Variants in LDLRAD3 observed in about 807,000 individuals in gnomAD.
LDLRAD3 encodes the protein low-density lipoprotein receptor class A domain-containing protein 3.
Under a neutral mutation model 29.4 loss-of-function variants are expected in LDLRAD3, and 20 were observed. The ratio of observed to expected loss-of-function variants is 0.68; its 90% confidence interval spans 0.48 to 0.99. The LOEUF (loss-of-function observed/expected upper bound fraction) is 0.99, where lower values mean the gene tolerates loss of function less well. Among genes scored for constraint, LDLRAD3 ranks in the 50% least tolerant of loss-of-function variants. LDLRAD3 has a pLI of 0.00. For missense variants in LDLRAD3, 420 were observed against 454.3 expected, an observed-to-expected ratio of 0.92 and a Z score of 0.69; for synonymous variants, 157 against 192.7, an observed-to-expected ratio of 0.81 and a Z score of 1.53.
intron 1 of LDLRAD3, among the ~76,000 whole-genome samples, chr11:36,001,663 T>A (rs1221470993): frequency 6.6e-6 from 1 of 152,158 alleles, no homozygotes; most frequent in Non-Finnish European, 1.5e-5. Context: ...GTTCTTTGTT[T>A]TAGAAAATAC....
In LDLRAD3 at chr11:36,015,523, G is replaced by A. The variant is rs1217372809; in HGVS notation, c.47-20580G>A. 2.6e-5 allele frequency among the ~76,000 whole-genome samples: 4 copies of A among 151,926 alleles called. No homozygotes were observed. In the East Asian group the frequency reaches 7.7e-4, roughly 29 times the overall value. ...TTTATAGAAACTTAACGCACATACCGAAGAGCGCGCAGATGTTAACTGGGG... is the reference window on the plus strand; with the variant it reads ...TTTATAGAAACTTAACGCACATACCAAAGAGCGCGCAGATGTTAACTGGGG... On this transcript the variant is annotated intron_variant, in intron 1 of 5. Transcript: ENST00000315571.
intron 2 of LDLRAD3, among the ~76,000 whole-genome samples, chr11:36,053,520 T>G (rs1852559358): frequency 6.6e-6 from 1 of 152,098 alleles, no homozygotes; most frequent in Non-Finnish European, 1.5e-5. Flanking sequence ...GCTGGGTAAG[T>G]CTCGCCACCT....
At chr11:36,159,992 C>T (rs1285002304) in intron 4 of LDLRAD3, among the ~76,000 whole-genome samples, 2 of 152,156 alleles carry the variant, frequency 1.3e-5, no homozygotes, top group African/African-American at 2.4e-5. Context: ...AACACTCAGT[C>T]CCACGTTGCT....
chr11:35,979,108 T>C (rs1851509022), intron 1 of LDLRAD3, among the ~76,000 whole-genome samples: 1 of 152,132 alleles, frequency 6.6e-6, no homozygotes, highest in Non-Finnish European at 1.5e-5. Context: ...TTCATAAACA[T>C]GGTGAGGAAA....
At chr11:36,128,880 A>G (rs1853883676) in intron 4 of LDLRAD3, among the ~76,000 whole-genome samples, 1 of 151,678 alleles carries the variant, frequency 6.6e-6, no homozygotes, top group Non-Finnish European at 1.5e-5. Flanking sequence ...AGAAAAGAAA[A>G]ATCACCCTAG....
intron 4 of LDLRAD3, among the ~76,000 whole-genome samples, chr11:36,113,314 A>G (rs1320070052): frequency 6.6e-6 from 1 of 152,184 alleles, no homozygotes; most frequent in Non-Finnish European, 1.5e-5. Context: ...GGAATACCCC[A>G]GAGATGAGCA....
intron 2 of LDLRAD3, among the ~76,000 whole-genome samples, chr11:36,056,145 G>A (rs1002737676): frequency 6.6e-6 from 1 of 151,888 alleles, no homozygotes; most frequent in South Asian, 2.1e-4. Context: ...ACAGTCATGC[G>A]CCACTACGCC....
chr11:36,029,567 A>G (rs1321171402), intron 1 of LDLRAD3, among the ~76,000 whole-genome samples: 1 of 152,210 alleles, frequency 6.6e-6, no homozygotes, highest in Non-Finnish European at 1.5e-5. Flanking sequence ...AATTTTCCTC[A>G]TGAAATGCAC....
chr11:36,074,469 C>T (rs1386100847), intron 2 of LDLRAD3, among the ~76,000 whole-genome samples: 1 of 152,050 alleles, frequency 6.6e-6, no homozygotes, highest in Non-Finnish European at 1.5e-5. Context: ...GTGCAAAGGC[C>T]CTGAGGTGGG....
intron 4 of LDLRAD3, among the ~76,000 whole-genome samples, chr11:36,211,476 A>G (rs1261244482): frequency 5.3e-5 from 8 of 152,166 alleles, no homozygotes; most frequent in African/African-American, 1.9e-4. Flanking sequence ...TGGATTGGAG[A>G]GGGGCAAGAT....
chr11:35,985,167 G>A (rs560870244), intron 1 of LDLRAD3, among the ~76,000 whole-genome samples: 1 of 152,200 alleles, frequency 6.6e-6, no homozygotes, highest in Admixed American at 6.5e-5. Context: ...CTGGCTTCAC[G>A]CAATTCACTC....
chr11:36,033,495 T>C (rs7936667), intron 1 of LDLRAD3, among the ~76,000 whole-genome samples: 3 of 152,254 alleles, frequency 2.0e-5, no homozygotes, highest in Non-Finnish European at 2.9e-5. Flanking sequence ...AAAATCTGTT[T>C]ATCAGAACAA....
intron 2 of LDLRAD3, among the ~76,000 whole-genome samples, chr11:36,070,518 G>A (rs1172896767): frequency 1.3e-5 from 2 of 152,214 alleles, no homozygotes; most frequent in Non-Finnish European, 2.9e-5. Flanking sequence ...GCTTGAAGGA[G>A]TCATGGCCAG....
intron 4 of LDLRAD3, among the ~76,000 whole-genome samples, chr11:36,165,322 C>T (rs866880084): frequency 2.9e-4 from 44 of 151,738 alleles, no homozygotes; most frequent in African/African-American, 9.2e-4. Flanking sequence ...TTGTTGTAGA[C>T]GAAGTTGTGA....
At chr11:36,069,911 T>C (rs1452855814) in intron 2 of LDLRAD3, among the ~76,000 whole-genome samples, 1 of 152,216 alleles carries the variant, frequency 6.6e-6, no homozygotes, top group African/African-American at 2.4e-5. Flanking sequence ...GAGTAAGGCC[T>C]CATGCTGTAA....
At chr11:36,115,732 G>A (rs1441089308) in intron 4 of LDLRAD3, among the ~76,000 whole-genome samples, 5 of 152,194 alleles carry the variant, frequency 3.3e-5, no homozygotes, top group African/African-American at 1.2e-4. Context: ...AGCTGAGCCT[G>A]AGTCCCTGAT....
At chr11:36,070,866 C>T (rs193095994) in intron 2 of LDLRAD3, among the ~76,000 whole-genome samples, 1 of 152,248 alleles carries the variant, frequency 6.6e-6, no homozygotes, top group East Asian at 1.9e-4. Context: ...CGAGAGCCTG[C>T]CCTTGCCCTT....
intron 3 of LDLRAD3, among the ~76,000 whole-genome samples, chr11:36,086,483 C>A (rs188641258): frequency 1.3e-5 from 2 of 152,300 alleles, no homozygotes; most frequent in Admixed American, 1.3e-4. Context: ...ATCGTTTTCA[C>A]GCTGTTTTTG....
At chr11:36,109,231 G>T (rs747140388) in intron 4 of LDLRAD3, among the ~76,000 whole-genome samples, 6 of 152,126 alleles carry the variant, frequency 3.9e-5, no homozygotes, top group Non-Finnish European at 8.8e-5. Context: ...TGTCATGGAC[G>T]GGGGAAGAAC....
Sources: gnomAD v4.1 joint callset for allele counts (sites outside exome capture counted in the v4.1 genomes callset) on GRCh38, gnomAD v4.1.1 for gene constraint, MANE v1.5 for transcripts, NCBI Gene and HGNC (gene_info 2026-07-23, HGNC 2026-07-21) for gene names.